MTHFD2: variants seen among roughly 807,000 people sequenced by gnomAD.
MTHFD2 encodes the protein methylenetetrahydrofolate dehydrogenase (NADP+ dependent) 2, methenyltetrahydrofolate cyclohydrolase, also known as bifunctional methylenetetrahydrofolate dehydrogenase/cyclohydrolase, mitochondrial.
MTHFD2 carries 26 observed loss-of-function variants against 36.8 expected under a neutral mutation model. The ratio of observed to expected loss-of-function variants is 0.71; its 90% CI spans 0.52 to 0.98. MTHFD2 has a LOEUF of 0.98. Among genes scored for constraint, MTHFD2 ranks in the 50% least tolerant of loss-of-function variants. The probability of loss-of-function intolerance (pLI) is 0.00; values close to 1 mark genes in which losing one functional copy is unlikely to be tolerated. For missense variants in MTHFD2, 373 were observed against 434.0 expected (o/e 0.86, Z 1.25); for synonymous variants, 164 against 155.2 (o/e 1.06, Z -0.42).
At chr2:74,209,585 A>C (rs1694259552) in intron 4 of MTHFD2, among the ~76,000 whole-genome samples, 1 of 151,422 alleles carries the variant, frequency 6.6e-6, no homozygotes, top group South Asian at 2.1e-4. Context: ...TTTAAGAGTC[A>C]GAGGTTTCAT....
rs1012502327 is a variant in MTHFD2 at position 74,215,977 on chromosome 2, A to T, written c.*1735A>T. 7 of 152,318 alleles carry T rather than the reference A, an allele frequency of 4.6e-5. No individual in the cohort carries two copies. The highest frequency in any genetic ancestry group is 1.7e-4 in the African/African-American group (7 of 41,474). The allele number at this position is 152,318 out of a possible 1,614,324, so 9.4% of individuals were successfully genotyped here. A position where few individuals can be genotyped will look rare whatever the true frequency, so the allele number is the denominator to read the frequency against. The stretch of plus-strand genomic sequence containing the variant: ...GCTTAATCTGTAAAATACTTGAGGC[A>T]GGGATAGGTTTGTCTGTTTTGGCTT... On this transcript the variant is annotated 3_prime_UTR_variant, in exon 8 of 8. Coordinates refer to ENST00000394053, the MANE Select transcript of MTHFD2 (RefSeq NM_006636.4).
chr2:74,214,443 G>C lies in MTHFD2; in HGVS notation c.*201G>C, dbSNP rs1300530837. On this transcript the variant is annotated 3_prime_UTR_variant, in exon 8 of 8. Transcript: ENST00000394053. ...CAGGGAGCATTCCAGTATCATGCAG[G>C]GTCCTGTGATCTAGCCAGGAGCAGC... is the stretch of plus-strand genomic sequence containing the variant. The C allele has an allele frequency of 2.2e-6, 1 of 456,166 alleles. No individual in the cohort carries two copies. Among genetic ancestry groups the C allele is most frequent in the African/African-American group, 2.0e-5 (1 of 50,038 alleles). 28.3% of individuals were successfully genotyped at this position (456,166 alleles called of 1,614,324 possible).
intron 3 of MTHFD2, 95 bp downstream of exon 3, chr2:74,207,921 CCT>C: frequency 8.0e-7 from 1 of 1,253,210 alleles, no homozygotes; most frequent in Non-Finnish European, 1.1e-6. Context: ...CCTCCTCCTC[CCT>C]CTCCTTTCCT....
At chr2:74,205,595 C>T (rs755738540) in intron 1 of MTHFD2, 110 bp from the exon 2 acceptor site, 127 of 1,251,628 alleles carry the variant, frequency 1.0e-4, no homozygotes, top group Non-Finnish European at 1.3e-4. Context: ...CCTCCTGCCC[C>T]GGCCTCCCGA....
chr2:74,199,253 C>G (rs913176549), intron 1 of MTHFD2, among the ~76,000 whole-genome samples: 2 of 152,110 alleles, frequency 1.3e-5, no homozygotes, highest in Non-Finnish European at 2.9e-5. Flanking sequence ...GTCCCCGCGC[C>G]GCCCTCCTCC....
intron 2 of MTHFD2, among the ~76,000 whole-genome samples, chr2:74,206,865 T>C (rs1694193957): frequency 6.6e-6 from 1 of 151,166 alleles, no homozygotes; most frequent in African/African-American, 2.4e-5. Context: ...TGGGCCACCA[T>C]GCCTGGCGAA....
At chr2:74,200,454 T>A (rs1694016973) in intron 1 of MTHFD2, among the ~76,000 whole-genome samples, 1 of 151,936 alleles carries the variant, frequency 6.6e-6, no homozygotes, top group South Asian at 2.1e-4. Flanking sequence ...TATTGCTTTC[T>A]TACTGCTGCT....
In MTHFD2 at chr2:74,211,246, T is replaced by G; in HGVS notation, c.718T>G (p.Leu240Val). 6.2e-7 allele frequency: 1 copy of G among 1,609,610 alleles called. No homozygotes were observed. The highest frequency in any genetic ancestry group is 8.5e-7 in the Non-Finnish European group (1 of 1,177,328). The change falls in exon 6 of 8, where the codon TTG becomes GTG. Residue 240 changes from leucine to valine, a missense_variant. Coordinates refer to ENST00000394053, the MANE Select transcript of MTHFD2 (RefSeq NM_006636.4). Reference protein sequence around the residue: ...ISHRYTPKEQLKKHTILADIV... With the variant: ...ISHRYTPKEQVKKHTILADIV... ...TCATCGATATACTCCCAAAGAGCAG[T>G]TGAAGAAACATACAATTCTTGCAGA...
intron 3 of MTHFD2, among the ~76,000 whole-genome samples, chr2:74,208,329 C>A (rs1236918387): frequency 6.6e-6 from 1 of 152,190 alleles, no homozygotes; most frequent in Non-Finnish European, 1.5e-5. Flanking sequence ...CCAATTACGC[C>A]TTGATTTAGT....
At chr2:74,206,142 T>C (rs1694175457) in intron 2 of MTHFD2, 1 of 325,184 alleles carries the variant, frequency 3.1e-6, no homozygotes, top group Non-Finnish European at 5.7e-6. Context: ...CTGTTCTTAG[T>C]CTTTATATTT....
Position 74,214,037 on chromosome 2 carries a change from T to C in MTHFD2, c.890-42T>C, listed in dbSNP as rs200131722. The C allele has an allele frequency of 1.7e-3, 2,634 of 1,593,966 alleles. 7 individuals are homozygous for C. The highest frequency in any genetic ancestry group is 1.5e-3 in the Non-Finnish European group (1,793 of 1,169,384). On this transcript the variant is annotated intron_variant, in intron 7 of 7. Coordinates refer to ENST00000394053, the MANE Select transcript of MTHFD2 (RefSeq NM_006636.4). The stretch of plus-strand genomic sequence containing the variant: ...ATATATTAAAGTACACACATGTCCT[T>C]TGCCATAACTAAAGCAGCCTGCCTG...
At chr2:74,209,153 A>G (rs1694249550) in intron 4 of MTHFD2, among the ~76,000 whole-genome samples, 1 of 152,148 alleles carries the variant, frequency 6.6e-6, no homozygotes, top group Non-Finnish European at 1.5e-5. Context: ...TATAGGCATG[A>G]GCCATCGTGC....
chr2:74,209,901 G>A (rs1477713747), intron 4 of MTHFD2, 41 bp from the exon 5 acceptor site: 1 of 1,551,494 alleles, frequency 6.4e-7, no homozygotes, highest in Admixed American at 1.9e-5. Flanking sequence ...TTTTCCTTTG[G>A]ACTGGCACTA....
chr2:74,216,780 T>G lies in MTHFD2; in HGVS notation c.*2538T>G, dbSNP rs1694457081. On this transcript the variant is annotated 3_prime_UTR_variant, in exon 8 of 8. Coordinates refer to ENST00000394053, the MANE Select transcript of MTHFD2 (RefSeq NM_006636.4). ...TGTGCCAGCATGCCTAGCTAATTTT[T>G]AAACATTTGTTTAGAGATGGGTCTC... 1 of 152,170 alleles carries G rather than the reference T, an allele frequency of 6.6e-6. No homozygotes were observed. The highest frequency in any genetic ancestry group is 2.1e-4 in the South Asian group (1 of 4,832). The allele number at this position is 152,170 out of a possible 1,614,324, so 9.4% of individuals were successfully genotyped here.
At chr2:74,211,490 T>C (rs893245627) in intron 6 of MTHFD2, 199 bp downstream of exon 6, 2 of 479,658 alleles carry the variant, frequency 4.2e-6, no homozygotes, top group African/African-American at 4.0e-5. Flanking sequence ...TGGGTGAATG[T>C]TATTCCTAAA....
At chr2:74,204,551 CAACT>C (rs1694134144) in intron 1 of MTHFD2, among the ~76,000 whole-genome samples, 1 of 152,208 alleles carries the variant, frequency 6.6e-6, no homozygotes, top group South Asian at 2.1e-4. Flanking sequence ...CTTACTGGTT[CAACT>C]AACTCTCACT....
At chr2:74,211,101 T>C in intron 5 of MTHFD2, 98 bp from the exon 6 acceptor site, 1 of 794,452 alleles carries the variant, frequency 1.3e-6, no homozygotes, top group Non-Finnish European at 2.1e-6. Flanking sequence ...CAATTATTTT[T>C]CAGAGATGTT....
At chr2:74,200,545 CTT>C (rs907973919) in intron 1 of MTHFD2, among the ~76,000 whole-genome samples, 1 of 143,340 alleles carries the variant, frequency 7.0e-6, no homozygotes. Context: ...AGTCTGCATT[CTT>C]TTTTTTTTTT....
chr2:74,203,222 T>A lies in MTHFD2; in HGVS notation c.102-2483T>A, dbSNP rs528613514. ...GGTTTTGCCATGTTGGCCAGGCTGG[T>A]CTCAAACCCCTGACCTCAAGTGATC... On this transcript the variant is annotated intron_variant, in intron 1 of 7. Transcript: ENST00000394053. 2.6e-5 allele frequency among the ~76,000 whole-genome samples: 4 copies of A among 152,254 alleles called. No homozygotes were observed. In the South Asian group the frequency reaches 8.3e-4, roughly 32 times the overall value.
Sources: gnomAD v4.1 joint callset for allele counts (sites outside exome capture counted in the v4.1 genomes callset) on GRCh38, gnomAD v4.1.1 for gene constraint, MANE v1.5 for transcripts, NCBI Gene and HGNC (gene_info 2026-07-23, HGNC 2026-07-21) for gene names.